USP25: variants seen among roughly 807,000 people sequenced by gnomAD.
USP25 encodes the protein ubiquitin carboxyl-terminal hydrolase 25.
In USP25, 85 loss-of-function variants were observed where a neutral mutation model predicts 158.5. The ratio of observed to expected loss-of-function variants is 0.54; its 90% confidence interval spans 0.45 to 0.64. The LOEUF (loss-of-function observed/expected upper bound fraction) is 0.64, where lower values mean the gene tolerates loss of function less well. Ranked by LOEUF, USP25 falls within the 30% of genes least tolerant of loss-of-function variation. USP25 has a pLI of 0.00. For missense variants in USP25, 1,242 were observed against 1,327.3 expected, an observed-to-expected ratio of 0.94 and a Z score of 1.00; for synonymous variants, 464 against 460.4, an observed-to-expected ratio of 1.01 and a Z score of -0.10.
intron 4 of USP25, among the ~76,000 whole-genome samples, chr21:15,783,801 A>G (rs1389309029): frequency 1.3e-5 from 2 of 151,110 alleles, no homozygotes; most frequent in Non-Finnish European, 3.0e-5. Context: ...ACTAAAAAAA[A>G]AAAAAAAAAA....
At chr21:15,834,653 A>T (rs1182027032) in intron 17 of USP25, among the ~76,000 whole-genome samples, 1 of 152,220 alleles carries the variant, frequency 6.6e-6, no homozygotes, top group African/African-American at 2.4e-5. Context: ...GGCATGCACA[A>T]ATCTGTCCAG....
intron 9 of USP25, among the ~76,000 whole-genome samples, chr21:15,815,698 T>G (rs1238393500): frequency 6.6e-6 from 1 of 152,230 alleles, no homozygotes; most frequent in African/African-American, 2.4e-5. Flanking sequence ...ACCCAGTACC[T>G]GTACTCCAAT....
At chr21:15,859,676 A>G (rs1043367576) in intron 20 of USP25, among the ~76,000 whole-genome samples, 4 of 152,124 alleles carry the variant, frequency 2.6e-5, no homozygotes, top group Non-Finnish European at 5.9e-5. Flanking sequence ...TGCCTCTGAA[A>G]GCAGTTCTGG....
chr21:15,868,571 T>C (rs1465679525), intron 22 of USP25, among the ~76,000 whole-genome samples: 1 of 152,228 alleles, frequency 6.6e-6, no homozygotes, highest in Admixed American at 6.5e-5. Flanking sequence ...GTTTTTAGAT[T>C]CTGCATATTC....
chr21:15,807,548 T>A (rs2036453854), intron 7 of USP25, among the ~76,000 whole-genome samples: 1 of 152,168 alleles, frequency 6.6e-6, no homozygotes, highest in Non-Finnish European at 1.5e-5. Flanking sequence ...GGGCCACACT[T>A]CCTCCATTGG....
At chr21:15,825,199 G>A (rs955693502) in intron 12 of USP25, 138 bp downstream of exon 12, 4 of 603,074 alleles carry the variant, frequency 6.6e-6, no homozygotes, top group African/African-American at 1.9e-5. Context: ...TTTGAGTTTT[G>A]CTTGAAACTA....
At chr21:15,798,909 A>T (rs769967345) in intron 5 of USP25, among the ~76,000 whole-genome samples, 5 of 151,216 alleles carry the variant, frequency 3.3e-5, no homozygotes, top group Non-Finnish European at 5.9e-5. Flanking sequence ...CACCTTTTCT[A>T]AGATTTGAAA....
chr21:15,781,354 G>T (rs1188792270), intron 4 of USP25, among the ~76,000 whole-genome samples: 3 of 152,156 alleles, frequency 2.0e-5, no homozygotes, highest in Non-Finnish European at 4.4e-5. Flanking sequence ...TTGTGGCAGT[G>T]GTGGTGATCT....
chr21:15,748,454 GTTTTTTTTTT>G (rs71331787), intron 1 of USP25, among the ~76,000 whole-genome samples: 1 of 78,994 alleles, frequency 1.3e-5, no homozygotes. Context: ...CTACTTTTTA[GTTTTTTTTTT>G]TTTTTTTTTT....
At chr21:15,801,451 GAC>G (rs1568823123) in intron 6 of USP25, among the ~76,000 whole-genome samples, 1 of 151,458 alleles carries the variant, frequency 6.6e-6, no homozygotes, top group Non-Finnish European at 1.5e-5. Context: ...TCCATTCTGA[GAC>G]AATTACTTAG....
chr21:15,758,705 G>A (rs1206893787), intron 1 of USP25, among the ~76,000 whole-genome samples: 3 of 152,270 alleles, frequency 2.0e-5, no homozygotes, highest in East Asian at 1.9e-4. Flanking sequence ...CATTGTCAGA[G>A]GCCTGACAAT....
At chr21:15,858,344 C>A (rs2039259346) in intron 20 of USP25, among the ~76,000 whole-genome samples, 1 of 151,430 alleles carries the variant, frequency 6.6e-6, no homozygotes, top group Admixed American at 6.6e-5. Context: ...TTATTGTCTT[C>A]TGTTGTGTTC....
Position 15,826,319 on chromosome 21 carries a change from G to C in USP25, c.1420G>C (p.Ala474Pro). Residue 474 changes from alanine (A) to proline (P), a missense_variant, in exon 13 of 26, where the codon GCT becomes CCT. Physicochemically the swap from Ala to Pro is conservative, Grantham distance 27. Transcript: ENST00000400183. The surrounding 1 kb of genome is among the most constrained non-coding windows in gnomAD (Gnocchi z 4.8). The part of the protein sequence containing the change: ...VCTSPVDDID[A>P]SSPPSGSIPS... ...CACTTCTCCTGTTGACGATATTGAC[G>C]CTAGTTCCCCACCTAGTGGTTCCAT... is the stretch of plus-strand genomic sequence containing the variant. The C allele has an allele frequency of 6.2e-7, 1 of 1,614,000 alleles. No individual in the cohort carries two copies.
chr21:15,791,241 A>G (rs1261158366), intron 4 of USP25, among the ~76,000 whole-genome samples: 1 of 151,854 alleles, frequency 6.6e-6, no homozygotes, highest in Non-Finnish European at 1.5e-5. Flanking sequence ...ATTTGTTGAA[A>G]TGTGATTTAT....
chr21:15,848,263 C>T (rs150574417), intron 19 of USP25, among the ~76,000 whole-genome samples: 317 of 152,210 alleles, frequency 2.1e-3, no homozygotes, highest in African/African-American at 4.7e-3. Flanking sequence ...AAGTCATCAC[C>T]GTTACTGAGT....
intron 3 of USP25, among the ~76,000 whole-genome samples, chr21:15,770,846 A>G (rs747829358): frequency 6.6e-6 from 1 of 152,210 alleles, no homozygotes; most frequent in Non-Finnish European, 1.5e-5. Context: ...TATTGAAAGA[A>G]TAGGAACATC....
intron 25 of USP25, 69 bp downstream of exon 25, chr21:15,878,060 T>G: frequency 7.8e-7 from 1 of 1,286,090 alleles, no homozygotes; most frequent in Non-Finnish European, 1.1e-6. Flanking sequence ...TAGATGTTAT[T>G]TATTCTTGCC....
At chr21:15,847,608 A>G in intron 18 of USP25, 55 bp from the exon 19 acceptor site, 5 of 1,244,004 alleles carry the variant, frequency 4.0e-6, no homozygotes, top group South Asian at 1.3e-5. Flanking sequence ...CAAGGATGCC[A>G]TTGTTCTCCA....
intron 20 of USP25, among the ~76,000 whole-genome samples, chr21:15,860,965 T>TAGAGAG (rs1169243685): frequency 5.6e-5 from 8 of 141,866 alleles, no homozygotes; most frequent in Non-Finnish European, 7.7e-5. Flanking sequence ...TATATATATA[T>TAGAGAG]ATATATATAT....
Sources: allele counts gnomAD v4.1 joint callset (sites outside exome capture counted in the v4.1 genomes callset), GRCh38; gene constraint gnomAD v4.1.1; non-coding constraint Gnocchi (gnomAD v3.1); transcripts MANE v1.5; gene names NCBI Gene and HGNC (gene_info 2026-07-23, HGNC 2026-07-21).